FGF14: variants seen among roughly 807,000 people sequenced by gnomAD.
The protein encoded by FGF14 is fibroblast growth factor homologous factor 4.
In FGF14, 5 loss-of-function variants were observed where a neutral mutation model predicts 25.5. The observed-to-expected ratio is 0.20, with a 90% CI of 0.10 to 0.41. The LOEUF (loss-of-function observed/expected upper bound fraction) is 0.41, where lower values mean the gene tolerates loss of function less well. Ranked by LOEUF, FGF14 falls within the 10% of genes least tolerant of loss-of-function variation. The pLI, the probability that FGF14 is intolerant of heterozygous loss-of-function variation, is 1.00. For missense variants in FGF14, 222 were observed against 320.1 expected, an observed-to-expected ratio of 0.69 and a Z score of 2.34; for synonymous variants, 138 against 118.3, an observed-to-expected ratio of 1.17 and a Z score of -1.08.
At chr13:102,003,786 A>G (rs1354727634) in intron 1 of FGF14, among the ~76,000 whole-genome samples, 2 of 152,220 alleles carry the variant, frequency 1.3e-5, no homozygotes, top group East Asian at 3.9e-4. Context: ...TCTGGTTTCA[A>G]AAATGGCATC....
intron 1 of FGF14, among the ~76,000 whole-genome samples, chr13:102,309,898 T>C (rs2055638920): frequency 6.6e-6 from 1 of 152,194 alleles, no homozygotes; most frequent in African/African-American, 2.4e-5. Flanking sequence ...CAAGTTTCAT[T>C]TGAACCTAGC....
At chr13:101,983,863 T>C (rs72662480) in intron 1 of FGF14, among the ~76,000 whole-genome samples, 2,231 of 152,260 alleles carry the variant, frequency 0.015, 25 homozygotes, top group Non-Finnish European at 0.024. Flanking sequence ...CATATAGAAC[T>C]GCCTTACTAG....
intron 1 of FGF14, among the ~76,000 whole-genome samples, chr13:102,212,752 A>T (rs1186640256): frequency 6.6e-6 from 1 of 152,218 alleles, no homozygotes; most frequent in Non-Finnish European, 1.5e-5. Flanking sequence ...TTCAAAATTT[A>T]CAGATATCCT....
chr13:102,290,699 A>T (rs2054342777), intron 1 of FGF14, among the ~76,000 whole-genome samples: 1 of 152,172 alleles, frequency 6.6e-6, no homozygotes. Context: ...TGTGGTCTTC[A>T]GCTTTATTCT....
At chr13:101,746,997 T>C (rs2036933444) in intron 3 of FGF14, among the ~76,000 whole-genome samples, 1 of 151,988 alleles carries the variant, frequency 6.6e-6, no homozygotes, top group Non-Finnish European at 1.5e-5. Flanking sequence ...GGGTAGACTG[T>C]CTAAACTATG....
rs932236298 is a variant in FGF14 at position 101,721,888 on chromosome 13, A to AATAG, written c.*939_*942dup. ...TTTTTTTTTCCAAATAATGAGAATT[A>AATAG]ATAGATGAAAAATGAACCTTAATCA... is the stretch of plus-strand genomic sequence containing the variant. On this transcript the variant is annotated 3_prime_UTR_variant, in exon 5 of 5. Transcript: ENST00000376143. 8 of 151,112 alleles carry AATAG rather than the reference A, an allele frequency of 5.3e-5. No homozygotes were observed. The highest frequency in any genetic ancestry group is 1.9e-4 in the African/African-American group (8 of 41,118). The allele number at this position is 151,112 out of a possible 1,614,324, so 9.4% of individuals were successfully genotyped here.
chr13:102,114,649 C>T lies in FGF14; in HGVS notation c.209-239353G>A, dbSNP rs138619835. ...TGCACATATACAATGGAATACCATT[C>T]GGCTTTAAGAAAATCCTCTGATATG... is the stretch of plus-strand genomic sequence containing the variant. On this transcript the variant is annotated intron_variant, in intron 1 of 4. Transcript: ENST00000376131. 7.9e-5 allele frequency among the ~76,000 whole-genome samples: 12 copies of T among 152,250 alleles called. No homozygotes were observed. The East Asian group carries it at 1.2e-3, about 15-fold the overall frequency.
At chr13:102,162,906 T>C (rs1373766619) in intron 1 of FGF14, among the ~76,000 whole-genome samples, 1 of 151,974 alleles carries the variant, frequency 6.6e-6, no homozygotes, top group Non-Finnish European at 1.5e-5. Context: ...GTTAGCAGCG[T>C]CCCCCTCATT....
chr13:101,992,142 C>T (rs1331134539), intron 1 of FGF14, among the ~76,000 whole-genome samples: 1 of 152,074 alleles, frequency 6.6e-6, no homozygotes, highest in African/African-American at 2.4e-5. Flanking sequence ...ACCTCACCAC[C>T]ATATAAATAG....
intron 1 of FGF14, among the ~76,000 whole-genome samples, chr13:101,996,518 G>A (rs1167540111): frequency 2.6e-5 from 4 of 152,058 alleles, no homozygotes; most frequent in African/African-American, 4.8e-5. Flanking sequence ...TGATAAACTC[G>A]GATTAGATTT....
intron 1 of FGF14, among the ~76,000 whole-genome samples, chr13:102,287,049 G>A (rs896472235): frequency 6.6e-6 from 1 of 152,064 alleles, no homozygotes; most frequent in East Asian, 1.9e-4. Context: ...AATGGATGCA[G>A]CACACCAACA....
rs34205303 is a variant in FGF14 at position 102,221,623 on chromosome 13, AACAC to A, written c.208+179844_208+179847del. Among the ~76,000 whole-genome samples, 418 of 150,030 alleles carry A rather than the reference AACAC, an allele frequency of 2.8e-3. 1 individual carries two copies. Among genetic ancestry groups the A allele is most frequent in the African/African-American group, 7.7e-3 (315 of 40,910 alleles). On this transcript the variant is annotated intron_variant, in intron 1 of 4. Coordinates refer to the FGF14 transcript ENST00000376131. ...ATGAATGACATCACACAAACACACA[AACAC>A]ACACACACACACACACACAGATTTT...
chr13:102,195,192 C>T (rs1436696290), intron 1 of FGF14, among the ~76,000 whole-genome samples: 1 of 152,016 alleles, frequency 6.6e-6, no homozygotes, highest in Non-Finnish European at 1.5e-5. Flanking sequence ...CACCAGTAGA[C>T]GTAACAATAT....
chr13:101,912,471 G>A (rs1362653628), intron 1 of FGF14, among the ~76,000 whole-genome samples: 1 of 152,054 alleles, frequency 6.6e-6, no homozygotes, highest in African/African-American at 2.4e-5. Context: ...TAACACTTTT[G>A]GGGATACAAT....
intron 1 of FGF14, among the ~76,000 whole-genome samples, chr13:102,154,232 A>C (rs1056574554): frequency 4.6e-5 from 7 of 152,148 alleles, no homozygotes; most frequent in Non-Finnish European, 8.8e-5. Context: ...ACCAAAGTTG[A>C]AATGAAGGAA....
intron 1 of FGF14, among the ~76,000 whole-genome samples, chr13:102,119,546 G>A (rs2045623577): frequency 6.6e-6 from 1 of 152,208 alleles, no homozygotes; most frequent in Non-Finnish European, 1.5e-5. Flanking sequence ...GACTATGTCA[G>A]TGGAAGTCCT....
intron 1 of FGF14, among the ~76,000 whole-genome samples, chr13:102,117,839 AAAAG>A: frequency 6.6e-6 from 1 of 152,356 alleles, no homozygotes; most frequent in South Asian, 2.1e-4. Context: ...TATTTTTTCA[AAAAG>A]AAACAGTGGC....
At chr13:102,110,115 T>C (rs1253095213) in intron 1 of FGF14, among the ~76,000 whole-genome samples, 1 of 152,232 alleles carries the variant, frequency 6.6e-6, no homozygotes, top group African/African-American at 2.4e-5. Context: ...TTAAGTCTAC[T>C]TGCTAAGATA....
At chr13:102,188,483 A>G (rs1044595657) in intron 1 of FGF14, among the ~76,000 whole-genome samples, 32 of 152,220 alleles carry the variant, frequency 2.1e-4, no homozygotes. Context: ...ATGTGCCAGC[A>G]GGCTAAATAG....
Sources: gnomAD v4.1 joint callset for allele counts (sites outside exome capture counted in the v4.1 genomes callset) on GRCh38, gnomAD v4.1.1 for gene constraint, MANE v1.5 for transcripts, NCBI Gene and HGNC (gene_info 2026-07-23, HGNC 2026-07-21) for gene names.